Variants in TLE3 observed in about 807,000 individuals in gnomAD.
TLE3 encodes the protein TLE family member 3, transcriptional corepressor, also known as transducin-like enhancer protein 3.
A neutral mutation model predicts 93.0 loss-of-function variants in TLE3; 14 were observed. That is an observed-to-expected ratio of 0.15 (90% CI 0.10 to 0.24). The LOEUF (loss-of-function observed/expected upper bound fraction) is 0.24. Ranked by LOEUF, TLE3 falls within the 10% of genes least tolerant of loss-of-function variation. The pLI is 1.00. For missense variants in TLE3, 693 were observed against 1,046.6 expected, an observed-to-expected ratio of 0.66 and a Z score of 4.66; for synonymous variants, 451 against 425.0, an observed-to-expected ratio of 1.06 and a Z score of -0.75.
At chr15:70,094,828 C>A in intron 3 of TLE3, 1 of 496,952 alleles carries the variant, frequency 2.0e-6, no homozygotes, top group Non-Finnish European at 3.6e-6. Flanking sequence ...CCACAAGCAC[C>A]ACATGTGCCC....
chr15:70,053,433 G>T, intron 16 of TLE3, 59 bp from the exon 17 acceptor site: 3 of 1,545,406 alleles, frequency 1.9e-6, no homozygotes, highest in Non-Finnish European at 2.6e-6. Flanking sequence ...GCCAGGTGGC[G>T]GCCATCCCAG....
intron 8 of TLE3, 177 bp from the exon 9 acceptor site, chr15:70,060,826 T>G: frequency 9.5e-7 from 1 of 1,048,024 alleles, no homozygotes; most frequent in Non-Finnish European, 1.4e-6. Flanking sequence ...CCTTCCCCAC[T>G]CCCCTGAGAC....
rs1567068228 is a variant in TLE3, at chr15:70,096,885, G to A, written c.-87C>T. On this transcript the variant is annotated 5_prime_UTR_variant, in exon 1 of 20. Transcript: ENST00000451782. The stretch of plus-strand genomic sequence containing the variant: ...CGGGGGAGGGGGGAGCCGAGCCCGA[G>A]CGGGGGGCGGCCGGGAAACCGAGAG... 3 of 1,468,688 alleles carry A rather than the reference G, an allele frequency of 2.0e-6. No homozygotes were observed. The highest frequency in any genetic ancestry group is 1.9e-6 in the Non-Finnish European group (2 of 1,079,560). The allele number at this position is 1,468,688 out of a possible 1,614,324, so 91.0% of individuals were successfully genotyped here.
At chr15:70,053,146 T>C in intron 17 of TLE3, 81 bp downstream of exon 17, 1 of 1,507,740 alleles carries the variant, frequency 6.6e-7, no homozygotes, top group Non-Finnish European at 8.9e-7. Flanking sequence ...GAGGGTCCCT[T>C]TGTCCCTGAC....
At chr15:70,052,997 G>A (rs1023132209) in intron 17 of TLE3, 10 of 525,938 alleles carry the variant, frequency 1.9e-5, no homozygotes, top group South Asian at 8.6e-5. Context: ...TAGCAGCAGA[G>A]AATGAATCGA....
intron 3 of TLE3, chr15:70,095,265 A>C: frequency 7.9e-7 from 1 of 1,263,674 alleles, no homozygotes; most frequent in Non-Finnish European, 1.0e-6. Context: ...CTTACTAGCC[A>C]AGATAGGGCA....
rs760781091 is a variant in TLE3 at position 70,065,987 on chromosome 15, C to T, written c.577+27G>A. The T allele has an allele frequency of 5.7e-6, 9 of 1,575,880 alleles. No individual in the cohort carries two copies. In the Admixed American group the frequency reaches 1.0e-4, roughly 18 times the overall value. Reference sequence around the variant, plus strand: ...CGCCCATGCCCACCCCTGCCCCGCCCCACCCTCTGCCCCAGCCCAGCCGCA... The same window carrying T: ...CGCCCATGCCCACCCCTGCCCCGCCTCACCCTCTGCCCCAGCCCAGCCGCA... On this transcript the variant is annotated intron_variant, in intron 7 of 19. Coordinates refer to ENST00000451782, the MANE Select transcript of TLE3 (RefSeq NM_001105192.3).
At chr15:70,080,602 G>C (rs931455088) in intron 4 of TLE3, among the ~76,000 whole-genome samples, 5 of 152,230 alleles carry the variant, frequency 3.3e-5, no homozygotes, top group African/African-American at 1.2e-4. Flanking sequence ...TGGGGGGCAA[G>C]TGTAATTTCC....
At chr15:70,094,298 A>C (rs2058445534) in intron 4 of TLE3, among the ~76,000 whole-genome samples, 1 of 152,010 alleles carries the variant, frequency 6.6e-6, no homozygotes, top group South Asian at 2.1e-4. Context: ...CTCCACCGAG[A>C]TCCAAGACCA....
chr15:70,052,313 G>A, intron 18 of TLE3, 61 bp downstream of exon 18: 1 of 1,585,996 alleles, frequency 6.3e-7, no homozygotes, highest in Admixed American at 1.7e-5. Flanking sequence ...TGTCCTGTTG[G>A]GCCAGGCTGC....
intron 17 of TLE3, chr15:70,053,020 G>T: frequency 5.3e-6 from 3 of 570,886 alleles, no homozygotes; most frequent in Non-Finnish European, 8.9e-6. Flanking sequence ...TTCCACAGTT[G>T]GGCCAAATGT....
chr15:70,057,561 A>C lies in TLE3; in HGVS notation c.1149T>G (p.Pro383=), dbSNP rs1276107253. 1 of 1,601,678 alleles carries C rather than the reference A, an allele frequency of 6.2e-7. No individual in the cohort carries two copies. Among genetic ancestry groups the C allele is most frequent in the Non-Finnish European group, 8.5e-7 (1 of 1,174,764 alleles). Residue 383 remains proline, a synonymous_variant, in exon 13 of 20, where the codon CCT becomes CCG. Transcript: ENST00000451782. ...HHEMNGSLTS[P]GAYAGLHNIP... is the part of the protein sequence containing the mutation. ...TGTTGTGGAGGCCGGCGTAGGCGCC[A>C]GGACTGGTGAGGGAGCCGTTCATCT...
At chr15:70,090,879 T>C (rs985272204) in intron 4 of TLE3, among the ~76,000 whole-genome samples, 7 of 152,192 alleles carry the variant, frequency 4.6e-5, no homozygotes, top group Non-Finnish European at 8.8e-5. Flanking sequence ...ATGGGGCACT[T>C]TGGACTTTGG....
Position 70,057,612 on chromosome 15 carries a change from C to T in TLE3, c.1098G>A (p.Ala366=), listed in dbSNP as rs919181494. 2.9e-5 allele frequency: 46 copies of T among 1,591,092 alleles called. No homozygotes were observed. In the Middle Eastern group the frequency reaches 5.1e-4, roughly 18 times the overall value. The part of the protein sequence containing the change: ...TPISITSSYA[A]PFAMMSHHEM... ...CATGGTGGCTCATCATGGCGAAGGG[C>T]GCCGCATAGGAGCTGGTGATGGAGA... The change falls in exon 13 of 20, where the codon GCG becomes GCA. Residue 366 remains alanine, a synonymous_variant. Coordinates refer to ENST00000451782, the MANE Select transcript of TLE3 (RefSeq NM_001105192.3).
At position 70,095,946 on chromosome 15, in the gene TLE3, T is replaced by A. The variant is rs2937280; in HGVS notation, c.125+215A>T. The A allele has an allele frequency of 0.011, 7,222 of 670,900 alleles. 396 individuals carry two copies. The African/African-American group carries it at 0.12, about 11-fold the overall frequency. The allele number at this position is 670,900 out of a possible 1,614,324, so 41.6% of individuals were successfully genotyped here. The stretch of plus-strand genomic sequence containing the variant: ...CCGCTCGCCGCGACCTAGACCCTCA[T>A]TCGGGGACCCCACGGGCGGCGCTGG... On this transcript the variant is annotated intron_variant, in intron 2 of 19. Transcript: ENST00000451782.
At chr15:70,094,702 A>T (rs1187387250) in intron 3 of TLE3, 126 bp from the exon 4 acceptor site, 2 of 726,342 alleles carry the variant, frequency 2.8e-6, no homozygotes, top group Non-Finnish European at 4.6e-6. Context: ...AAGAAGTTTA[A>T]ATCAAACCCC....
intron 4 of TLE3, among the ~76,000 whole-genome samples, chr15:70,082,363 G>C (rs2057819640): frequency 6.6e-6 from 1 of 152,108 alleles, no homozygotes; most frequent in South Asian, 2.1e-4. Context: ...AGCTGGGGTG[G>C]GGTTCTCAGG....
At chr15:70,051,494 C>G (rs745443096) in intron 18 of TLE3, 27 bp from the exon 19 acceptor site, 46 of 1,587,024 alleles carry the variant, frequency 2.9e-5, no homozygotes, top group Admixed American at 7.1e-5. Context: ...AAGGCATGAT[C>G]AGGTTGTAGC....
intron 4 of TLE3, among the ~76,000 whole-genome samples, chr15:70,084,027 A>G (rs562279473): frequency 1.3e-5 from 2 of 152,192 alleles, no homozygotes; most frequent in South Asian, 4.1e-4. Flanking sequence ...AAAAATCAAG[A>G]TCGGTCATTT....
Sources: gnomAD v4.1 joint callset for allele counts (sites outside exome capture counted in the v4.1 genomes callset) on GRCh38, gnomAD v4.1.1 for gene constraint, MANE v1.5 for transcripts, NCBI Gene and HGNC (gene_info 2026-07-23, HGNC 2026-07-21) for gene names.